Variants in NMD3 observed in about 807,000 individuals in gnomAD.
NMD3 encodes 60S ribosomal export protein NMD3.
In NMD3, 47 loss-of-function variants were observed where a neutral mutation model predicts 73.1. The ratio of observed to expected loss-of-function variants is 0.64; its 90% CI spans 0.51 to 0.82. The LOEUF (loss-of-function observed/expected upper bound fraction) is 0.82, where lower values mean the gene tolerates loss of function less well. Ranked by LOEUF, NMD3 falls within the 40% of genes least tolerant of loss-of-function variation. The probability of loss-of-function intolerance (pLI) is 0.00; values close to 1 mark genes in which losing one functional copy is unlikely to be tolerated. For missense variants in NMD3, 554 were observed against 612.5 expected, an observed-to-expected ratio of 0.90 and a Z score of 1.01; for synonymous variants, 210 against 194.5, an observed-to-expected ratio of 1.08 and a Z score of -0.66.
intron 11 of NMD3, among the ~76,000 whole-genome samples, chr3:161,244,850 A>G (rs1174960712): frequency 6.6e-6 from 1 of 152,018 alleles, no homozygotes; most frequent in Admixed American, 6.6e-5. Context: ...AAACGATCCT[A>G]CTGCCTCCCT....
chr3:161,233,780 T>C (rs867766599), intron 5 of NMD3, among the ~76,000 whole-genome samples: 7 of 151,948 alleles, frequency 4.6e-5, no homozygotes, highest in Middle Eastern at 3.4e-3. Context: ...TCATCATAAC[T>C]GAAGCAAAAA....
intron 14 of NMD3, 131 bp from the exon 15 acceptor site, chr3:161,250,125 A>G (rs1560076631): frequency 3.5e-6 from 2 of 578,986 alleles, no homozygotes; most frequent in Non-Finnish European, 6.0e-6. Flanking sequence ...CTGAGAGTTT[A>G]TATAAAATTG....
At chr3:161,232,088 G>A (rs1444675196) in intron 4 of NMD3, among the ~76,000 whole-genome samples, 2 of 151,794 alleles carry the variant, frequency 1.3e-5, no homozygotes, top group African/African-American at 2.4e-5. Context: ...CCTGCAGGTG[G>A]AGGTTGGAGC....
At chr3:161,226,278 A>AC (rs1396781844) in intron 3 of NMD3, among the ~76,000 whole-genome samples, 1 of 151,880 alleles carries the variant, frequency 6.6e-6, no homozygotes. Context: ...ACATGGTGAA[A>AC]CCCTGTCTCT....
At chr3:161,233,885 GGATTT>G (rs1736637102) in intron 5 of NMD3, among the ~76,000 whole-genome samples, 1 of 150,676 alleles carries the variant, frequency 6.6e-6, no homozygotes, top group Admixed American at 6.6e-5. Flanking sequence ...TGGATTTTTT[GGATTT>G]TGGAATTTTG....
chr3:161,223,531 G>A (rs1736190398), intron 2 of NMD3, among the ~76,000 whole-genome samples: 1 of 149,910 alleles, frequency 6.7e-6, no homozygotes, highest in Non-Finnish European at 1.5e-5. Context: ...GTATATTGGC[G>A]TCTGATTCTG....
chr3:161,231,485 A>G (rs1455952760), intron 4 of NMD3, among the ~76,000 whole-genome samples: 2 of 152,214 alleles, frequency 1.3e-5, no homozygotes, highest in Admixed American at 1.3e-4. Flanking sequence ...GCTAGGTATT[A>G]ATATTGTTGG....
intron 11 of NMD3, among the ~76,000 whole-genome samples, chr3:161,244,297 T>G (rs1186780207): frequency 6.6e-6 from 1 of 152,162 alleles, no homozygotes; most frequent in Non-Finnish European, 1.5e-5. Flanking sequence ...GCCCAGCTAA[T>G]TTTTTAATTT....
intron 14 of NMD3, 112 bp downstream of exon 14, chr3:161,249,672 T>A: frequency 2.8e-6 from 2 of 726,764 alleles, no homozygotes; most frequent in South Asian, 3.1e-5. Flanking sequence ...CACTCAATTA[T>A]AATCTTGGAT....
rs373122412 is a variant in NMD3 at position 161,249,494 on chromosome 3, G to A, written c.1244G>A (p.Arg415His). The part of the protein sequence containing the change: ...KKSYDRTKRQ[R>H]RRNWKLKELA... ...AGCTATGACCGGACCAAACGTCAGC[G>A]TCGTAGAAACTGGAAATTGAAAGAG... Residue 415 changes from arginine to histidine, a missense_variant, in exon 14 of 16, where the codon CGT (arginine) becomes CAT (histidine). Arg to His is a conservative substitution (Grantham distance 29). Coordinates refer to ENST00000351193, the MANE Select transcript of NMD3 (RefSeq NM_015938.5). The A allele has an allele frequency of 1.1e-4, 182 of 1,612,498 alleles. No homozygotes were observed. The highest frequency in any genetic ancestry group is 8.2e-4 in the Middle Eastern group (5 of 6,072).
intron 9 of NMD3, among the ~76,000 whole-genome samples, chr3:161,240,208 A>G (rs1272829839): frequency 6.6e-6 from 1 of 152,178 alleles, no homozygotes; most frequent in Non-Finnish European, 1.5e-5. Flanking sequence ...TCTTTTTTGT[A>G]TTTTAATTCA....
At position 161,241,363 on chromosome 3, in the gene NMD3, A is replaced by G. The variant is rs181414143; in HGVS notation, c.871+200A>G. On this transcript the variant is annotated intron_variant, in intron 10 of 15. Transcript: ENST00000351193. ...TTTGTATTTTTTATTTAAAGAAACA[A>G]TTCTGTTAATTTTTACATATTTACT... Among the ~76,000 whole-genome samples the G allele has an allele frequency of 7.6e-3, 1,151 of 151,418 alleles. 18 individuals are homozygous for G. The highest frequency in any genetic ancestry group is 0.026 in the South Asian group (125 of 4,796).
At chr3:161,239,887 G>A (rs895537683) in intron 9 of NMD3, among the ~76,000 whole-genome samples, 6 of 152,188 alleles carry the variant, frequency 3.9e-5, no homozygotes, top group Admixed American at 2.6e-4. Context: ...TGTCAGGGCC[G>A]TGTTCTGGTA....
At chr3:161,237,095 T>C (rs1736786072) in intron 7 of NMD3, among the ~76,000 whole-genome samples, 1 of 152,234 alleles carries the variant, frequency 6.6e-6, no homozygotes, top group Admixed American at 6.5e-5. Flanking sequence ...ATTTCTCAGC[T>C]AGGTAGGTTT....
At chr3:161,249,368 T>C (rs1260034379) in intron 13 of NMD3, 86 bp from the exon 14 acceptor site, 1 of 782,764 alleles carries the variant, frequency 1.3e-6, no homozygotes, top group East Asian at 2.7e-5. Flanking sequence ...GTGTCATTAG[T>C]TTGGTCATTT....
chr3:161,242,448 C>T, intron 10 of NMD3, 60 bp from the exon 11 acceptor site: 1 of 1,476,248 alleles, frequency 6.8e-7, no homozygotes, highest in Admixed American at 1.7e-5. Context: ...TTAGTTAATA[C>T]ATTTGATAAT....
Position 161,226,330 on chromosome 3 carries a change from T to A in NMD3, c.180-917T>A, listed in dbSNP as rs190440843. ...TTAGCCAGGCGTGGTGGGGCACGCA[T>A]GTAATCCTAGCTACTCGAGAGGCAG... On this transcript the variant is annotated intron_variant, in intron 3 of 15. Coordinates refer to ENST00000351193, the MANE Select transcript of NMD3 (RefSeq NM_015938.5). Among the ~76,000 whole-genome samples the A allele has an allele frequency of 2.7e-4, 41 of 151,804 alleles. No homozygotes were observed. The East Asian group carries it at 7.8e-3, about 29-fold the overall frequency.
chr3:161,221,122 C>T (rs993398195), upstream of NMD3: 1 of 152,144 alleles, frequency 6.6e-6, no homozygotes, highest in Non-Finnish European at 1.5e-5. Context: ...AAAATCGAGA[C>T]GATAACTGAA....
intron 3 of NMD3, among the ~76,000 whole-genome samples, chr3:161,226,573 C>CA (rs1250170623): frequency 1.3e-5 from 2 of 152,072 alleles, no homozygotes; most frequent in African/African-American, 4.8e-5. Flanking sequence ...ACAAGTATGG[C>CA]AAAAAGACAT....
Sources: allele counts gnomAD v4.1 joint callset (sites outside exome capture counted in the v4.1 genomes callset), GRCh38; gene constraint gnomAD v4.1.1; transcripts MANE v1.5; gene names NCBI Gene and HGNC (gene_info 2026-07-23, HGNC 2026-07-21).